Variants in AGO3 observed in about 807,000 individuals in gnomAD.
AGO3 encodes protein argonaute-3.
AGO3 carries 16 observed loss-of-function variants against 105.5 expected under a neutral mutation model. That is an observed-to-expected ratio of 0.15 (90% CI 0.10 to 0.23). The LOEUF is 0.23. Among genes scored for constraint, AGO3 ranks in the 10% least tolerant of loss-of-function variants. The pLI is 1.00. For synonymous variants in AGO3, 340 were observed against 367.3 expected (o/e 0.93, Z 0.85); for missense variants, 534 against 1,088.0 (o/e 0.49, Z 7.16).
At chr1:35,932,166 A>C (rs191618981) in intron 1 of AGO3, among the ~76,000 whole-genome samples, 1 of 152,202 alleles carries the variant, frequency 6.6e-6, no homozygotes, top group African/African-American at 2.4e-5. Flanking sequence ...TGCAGTCTTA[A>C]GAGAAAATTG....
At chr1:36,036,356 T>C in intron 14 of AGO3, 89 bp downstream of exon 14, 1 of 1,227,184 alleles carries the variant, frequency 8.1e-7, no homozygotes, top group Non-Finnish European at 1.2e-6. Flanking sequence ...ATATTTTCTT[T>C]GTAGCCAACT....
Position 36,027,337 on chromosome 1 carries a change from T to C in AGO3, c.1591+39T>C, listed in dbSNP as rs768196198. 6.5e-7 allele frequency: 1 copy of C among 1,536,412 alleles called. No homozygotes were observed. Among genetic ancestry groups the C allele is most frequent in the Non-Finnish European group, 8.8e-7 (1 of 1,133,762 alleles). Reference sequence around the variant, plus strand: ...AAGACTGCATTTTTCCTCAAGTACTTGATGTCCTTTTAGGATTATACTGAA... The same window carrying C: ...AAGACTGCATTTTTCCTCAAGTACTCGATGTCCTTTTAGGATTATACTGAA... On this transcript the variant is annotated intron_variant, in intron 12 of 18. Coordinates refer to ENST00000373191, the MANE Select transcript of AGO3 (RefSeq NM_024852.4). This position sits in a 1 kb window ranked among gnomAD's most constrained non-coding sequence, Gnocchi z 4.0.
intron 5 of AGO3, chr1:35,983,421 A>G (rs1181288266): frequency 6.6e-6 from 1 of 151,330 alleles, no homozygotes; most frequent in Admixed American, 6.6e-5. Context: ...AAAAAAAAAA[A>G]AAAAAAAAGA....
At chr1:36,000,669 A>G (rs1640041173) in intron 5 of AGO3, among the ~76,000 whole-genome samples, 2 of 152,102 alleles carry the variant, frequency 1.3e-5, no homozygotes, top group African/African-American at 4.8e-5. Context: ...TGTGCTTAAG[A>G]ACTTAAACAT....
chr1:36,037,817 A>G (rs995491454), intron 14 of AGO3, among the ~76,000 whole-genome samples: 1 of 152,222 alleles, frequency 6.6e-6, no homozygotes, highest in African/African-American at 2.4e-5. Flanking sequence ...AAAATGATAA[A>G]GAAAGGAACT....
chr1:36,030,621 T>C (rs564626300), intron 12 of AGO3, among the ~76,000 whole-genome samples: 6 of 152,302 alleles, frequency 3.9e-5, no homozygotes, highest in African/African-American at 1.2e-4. Context: ...GAGTATGCAG[T>C]GTATTAATAC....
chr1:35,951,837 A>G (rs930242974), intron 2 of AGO3, among the ~76,000 whole-genome samples: 2 of 152,188 alleles, frequency 1.3e-5, no homozygotes, highest in African/African-American at 2.4e-5. Context: ...GTTGGATAGT[A>G]TGCCAAGAGG....
In AGO3 at chr1:35,931,345, C is replaced by G; in HGVS notation, c.-82C>G. ...CCGAGTGAGAGTGCCCGTCGCGTCG[C>G]GCCGCGTCGCCCCCCGGGCCGCCTC... On this transcript the variant is annotated 5_prime_UTR_variant, in exon 1 of 19. Coordinates refer to ENST00000373191, the MANE Select transcript of AGO3 (RefSeq NM_024852.4). 7.6e-7 allele frequency: 1 copy of G among 1,313,446 alleles called. No individual in the cohort carries two copies. Among genetic ancestry groups the G allele is most frequent in the Non-Finnish European group, 9.9e-7 (1 of 1,009,072 alleles). 81.4% of individuals were successfully genotyped at this position (1,313,446 alleles called of 1,614,324 possible). A position where few individuals can be genotyped will look rare whatever the true frequency, so the allele number is the denominator to read the frequency against.
chr1:36,027,258 G>A lies in AGO3; in HGVS notation c.1551G>A (p.Gln517=), dbSNP rs1333822191. 5.0e-6 allele frequency: 8 copies of A among 1,614,000 alleles called. No individual in the cohort carries two copies. Among genetic ancestry groups the A allele is most frequent in the Non-Finnish European group, 6.8e-6 (8 of 1,179,926 alleles). The change falls in exon 12 of 19, where the codon CAG becomes CAA. Residue 517 remains glutamine, a synonymous_variant. Coordinates refer to ENST00000373191, the MANE Select transcript of AGO3 (RefSeq NM_024852.4). The surrounding 1 kb of genome is among the most constrained non-coding windows in gnomAD (Gnocchi z 4.0). ...TCAAGAACACATATTCTGGCCTACA[G>A]CTTATTATCGTCATCCTGCCGGGGA... ...RHLKNTYSGL[Q]LIIVILPGKT... is the part of the protein sequence containing the mutation.
intron 11 of AGO3, among the ~76,000 whole-genome samples, chr1:36,014,769 T>TC (rs1640808718): frequency 9.9e-6 from 1 of 101,088 alleles, no homozygotes; most frequent in African/African-American, 4.2e-5. Flanking sequence ...AGACTCTGTC[T>TC]CCAAAAAAAA....
At chr1:35,947,858 G>A (rs937077689) in intron 2 of AGO3, among the ~76,000 whole-genome samples, 7 of 152,112 alleles carry the variant, frequency 4.6e-5, no homozygotes, top group Admixed American at 3.9e-4. Flanking sequence ...GTATAGATTT[G>A]AGTGAAGGAT....
chr1:36,039,871 G>A lies in AGO3; in HGVS notation c.1924G>A (p.Asp642Asn). ...GAGACCCCGACAGGAGATCATCCAG[G>A]ACTTGGCCTCCATGGTCCGGGAACT... The part of the protein sequence containing the change: ...VQRPRQEIIQ[D>N]LASMVRELLI... The change falls in exon 15 of 19, where the codon GAC (aspartate) becomes AAC (asparagine). Residue 642 changes from aspartate to asparagine, a missense_variant. Asp to Asn is a conservative substitution (Grantham distance 23). This residue lies in a region of AGO3 where 373 missense variants were observed against 854.0 expected (regional missense o/e 0.44). Transcript: ENST00000373191. The A allele has an allele frequency of 6.2e-7, 1 of 1,613,936 alleles. No individual in the cohort carries two copies.
intron 14 of AGO3, among the ~76,000 whole-genome samples, chr1:36,037,916 G>T (rs1222678202): frequency 6.6e-6 from 1 of 152,136 alleles, no homozygotes; most frequent in African/African-American, 2.4e-5. Context: ...GGTAGTCATT[G>T]TCTTTTTCTA....
intron 2 of AGO3, among the ~76,000 whole-genome samples, chr1:35,950,696 G>T (rs1388254084): frequency 6.6e-6 from 1 of 152,066 alleles, no homozygotes; most frequent in East Asian, 1.9e-4. Flanking sequence ...TGGTCTCAAT[G>T]ACTAAAAAAC....
intron 5 of AGO3, among the ~76,000 whole-genome samples, chr1:35,991,132 T>C (rs562068864): frequency 6.6e-6 from 1 of 152,242 alleles, no homozygotes; most frequent in Admixed American, 6.5e-5. Flanking sequence ...AGTGAAACCC[T>C]GTCTCTACTA....
chr1:35,956,672 G>A (rs1160257481), intron 2 of AGO3, among the ~76,000 whole-genome samples: 4 of 146,856 alleles, frequency 2.7e-5, no homozygotes, highest in Non-Finnish European at 6.0e-5. Context: ...AGGGAGTCTC[G>A]CTCTGTCGCC....
At position 36,064,946 on chromosome 1, in the gene AGO3, A is replaced by G. The variant is rs1643072534; in HGVS notation, c.*9201A>G. The G allele has an allele frequency of 6.6e-6, 1 of 151,966 alleles. No homozygotes were observed. Among genetic ancestry groups the G allele is most frequent in the Admixed American group, 6.6e-5 (1 of 15,230 alleles). The allele number at this position is 151,966 out of a possible 1,614,324, so 9.4% of individuals were successfully genotyped here. On this transcript the variant is annotated 3_prime_UTR_variant, in exon 19 of 19. Transcript: ENST00000373191. Reference sequence around the variant, plus strand: ...TTGGGTGGGCGGCTGAGGCGGGCGGATCACGAGGTCAGGAGTTGGAGACCA... The same window carrying G: ...TTGGGTGGGCGGCTGAGGCGGGCGGGTCACGAGGTCAGGAGTTGGAGACCA...
intron 1 of AGO3, among the ~76,000 whole-genome samples, chr1:35,945,385 A>G (rs1468428059): frequency 1.3e-5 from 2 of 151,672 alleles, no homozygotes; most frequent in Non-Finnish European, 2.9e-5. Flanking sequence ...TTACTTTGCT[A>G]TTGGTCTCAC....
chr1:35,936,267 A>C (rs77745409), intron 1 of AGO3, among the ~76,000 whole-genome samples: 2 of 152,192 alleles, frequency 1.3e-5, no homozygotes, highest in South Asian at 2.1e-4. Flanking sequence ...AAAAAAAAAA[A>C]CCAACTATTG....
Sources: gnomAD v4.1 joint callset for allele counts (sites outside exome capture counted in the v4.1 genomes callset) on GRCh38, gnomAD v4.1.1 for gene constraint, gnomAD v4.1.1 regional missense constraint, Gnocchi (gnomAD v3.1) non-coding constraint, MANE v1.5 for transcripts, NCBI Gene and HGNC (gene_info 2026-07-23, HGNC 2026-07-21) for gene names.